AGBL4: variants seen among roughly 807,000 people sequenced by gnomAD.
AGBL4 encodes cytosolic carboxypeptidase 6.
AGBL4 carries 58 observed loss-of-function variants against 66.4 expected under a neutral mutation model. That is an observed-to-expected ratio of 0.87 (90% CI 0.71 to 1.09). The LOEUF (loss-of-function observed/expected upper bound fraction) is 1.09. AGBL4 is among the 50% of genes least tolerant of loss of function. AGBL4 has a pLI of 0.00. For synonymous variants in AGBL4, 234 were observed against 222.9 expected (o/e 1.05, Z -0.44); for missense variants, 579 against 631.0 (o/e 0.92, Z 0.88).
chr1:49,329,847 TCA>T (rs1415804973), intron 3 of AGBL4, among the ~76,000 whole-genome samples: 1 of 152,172 alleles, frequency 6.6e-6, no homozygotes, highest in Non-Finnish European at 1.5e-5. Context: ...TTCTCTACAT[TCA>T]CACTCTGCAT....
At chr1:49,940,059 C>T (rs1654576844) in intron 1 of AGBL4, among the ~76,000 whole-genome samples, 1 of 152,162 alleles carries the variant, frequency 6.6e-6, no homozygotes, top group Non-Finnish European at 1.5e-5. Flanking sequence ...ACAGACACTT[C>T]TCAAAAGAAG....
chr1:49,809,264 G>A (rs1226321450), intron 2 of AGBL4, among the ~76,000 whole-genome samples: 3 of 151,520 alleles, frequency 2.0e-5, no homozygotes, highest in South Asian at 2.1e-4. Flanking sequence ...CCATTAACTC[G>A]TCATTTACAT....
chr1:49,704,015 T>C (rs913783843), intron 2 of AGBL4, among the ~76,000 whole-genome samples: 3 of 152,060 alleles, frequency 2.0e-5, no homozygotes, highest in Admixed American at 6.6e-5. Flanking sequence ...GAAATAAATC[T>C]AACCAAAGAT....
intron 6 of AGBL4, among the ~76,000 whole-genome samples, chr1:48,770,721 A>C (rs1292241371): frequency 2.0e-5 from 3 of 152,106 alleles, no homozygotes; most frequent in Admixed American, 6.5e-5. Context: ...TCAACCAGCT[A>C]CACTTCCAGG....
intron 3 of AGBL4, among the ~76,000 whole-genome samples, chr1:49,317,299 C>T (rs1213864872): frequency 1.3e-5 from 2 of 151,892 alleles, no homozygotes; most frequent in Admixed American, 6.6e-5. Context: ...AAATATACCT[C>T]GAGCTATTTA....
chr1:48,602,875 T>C (rs561081706), intron 9 of AGBL4, among the ~76,000 whole-genome samples: 10 of 152,292 alleles, frequency 6.6e-5, no homozygotes, highest in Admixed American at 5.2e-4. Context: ...CCCACCTCTC[T>C]CTTTCTTCAC....
chr1:48,957,205 C>T (rs907268999), intron 5 of AGBL4, among the ~76,000 whole-genome samples: 2 of 152,156 alleles, frequency 1.3e-5, no homozygotes, highest in African/African-American at 2.4e-5. Flanking sequence ...AAAACATCCA[C>T]ACTTTCAAAC....
intron 1 of AGBL4, among the ~76,000 whole-genome samples, chr1:49,914,870 G>T (rs1030454948): frequency 6.6e-6 from 1 of 151,958 alleles, no homozygotes; most frequent in Non-Finnish European, 1.5e-5. Flanking sequence ...AGAGCAAAAG[G>T]GCCCATAAGA....
At chr1:48,842,366 A>G (rs1272898234) in intron 6 of AGBL4, among the ~76,000 whole-genome samples, 1 of 152,154 alleles carries the variant, frequency 6.6e-6, no homozygotes, top group African/African-American at 2.4e-5. Context: ...GATCAGAGCG[A>G]TAAATGAAAT....
chr1:49,075,963 G>C (rs748283672), intron 4 of AGBL4, among the ~76,000 whole-genome samples: 11 of 152,194 alleles, frequency 7.2e-5, no homozygotes, highest in Non-Finnish European at 1.2e-4. Context: ...AGAACATCTA[G>C]ATAGGGTGAT....
intron 6 of AGBL4, among the ~76,000 whole-genome samples, chr1:48,690,286 A>G (rs1319655463): frequency 6.6e-6 from 1 of 152,236 alleles, no homozygotes; most frequent in African/African-American, 2.4e-5. Flanking sequence ...AGTTTGAGTC[A>G]TCAGTTCCTT....
chr1:49,487,408 A>G (rs971349142), intron 3 of AGBL4, among the ~76,000 whole-genome samples: 1 of 151,860 alleles, frequency 6.6e-6, no homozygotes, highest in East Asian at 1.9e-4. Flanking sequence ...TAATCCCCAC[A>G]TGTCAAGAAC....
intron 5 of AGBL4, among the ~76,000 whole-genome samples, chr1:48,875,073 CT>C (rs1649088228): frequency 6.6e-6 from 1 of 152,146 alleles, no homozygotes; most frequent in African/African-American, 2.4e-5. Flanking sequence ...AGGTATCTTG[CT>C]GGGGATAGAG....
At chr1:49,025,648 G>A (rs1410959093) in intron 5 of AGBL4, 1 of 152,142 alleles carries the variant, frequency 6.6e-6, no homozygotes, top group Non-Finnish European at 1.5e-5. Flanking sequence ...AGGTGACAAA[G>A]TGTGACCATA....
At chr1:48,645,624 A>T (rs756956322) in intron 8 of AGBL4, among the ~76,000 whole-genome samples, 3 of 152,146 alleles carry the variant, frequency 2.0e-5, no homozygotes, top group Non-Finnish European at 4.4e-5. Flanking sequence ...GAAGGGGGGT[A>T]CCTAATCTAC....
intron 4 of AGBL4, among the ~76,000 whole-genome samples, chr1:49,202,596 T>G (rs1357157998): frequency 8.6e-5 from 13 of 151,998 alleles, no homozygotes; most frequent in Admixed American, 8.5e-4. Flanking sequence ...AACCTTATCT[T>G]AAAACAAAAA....
At chr1:49,607,937 C>T (rs181978978) in intron 3 of AGBL4, among the ~76,000 whole-genome samples, 127 of 152,210 alleles carry the variant, frequency 8.3e-4, no homozygotes, top group African/African-American at 2.9e-3. Flanking sequence ...AATCAGTAGA[C>T]AATGTGGTTG....
intron 4 of AGBL4, among the ~76,000 whole-genome samples, chr1:49,184,270 T>C (rs1646977853): frequency 6.6e-6 from 1 of 152,182 alleles, no homozygotes; most frequent in Non-Finnish European, 1.5e-5. Context: ...TACATGTCTC[T>C]GCCTCTAAAT....
At chr1:49,985,870 T>C (rs553186719) in intron 1 of AGBL4, among the ~76,000 whole-genome samples, 62 of 152,186 alleles carry the variant, frequency 4.1e-4, no homozygotes, top group African/African-American at 1.4e-3. Context: ...TACAGATAAA[T>C]ACCTGAGGTT....
Sources: allele counts gnomAD v4.1 joint callset (sites outside exome capture counted in the v4.1 genomes callset), GRCh38; gene constraint gnomAD v4.1.1; transcripts MANE v1.5; gene names NCBI Gene and HGNC (gene_info 2026-07-23, HGNC 2026-07-21).